GP6: variants seen among roughly 807,000 people sequenced by gnomAD.
GP6 encodes platelet glycoprotein VI.
GP6 carries 45 observed loss-of-function variants against 37.3 expected under a neutral mutation model. The ratio of observed to expected loss-of-function variants is 1.21; its 90% CI spans 0.95 to 1.55. GP6 has a LOEUF of 1.55. GP6 is among the 40% of genes most tolerant of loss of function. The probability of loss-of-function intolerance (pLI) is 0.00; values close to 1 mark genes in which losing one functional copy is unlikely to be tolerated. For synonymous variants in GP6, 340 were observed against 316.4 expected (o/e 1.07, Z -0.79); for missense variants, 813 against 760.2 (o/e 1.07, Z -0.82).
At position 55,027,778 on chromosome 19, in the gene GP6, C is replaced by T. The variant is rs773642386; in HGVS notation, c.410G>A (p.Arg137Gln). The T allele has an allele frequency of 3.7e-6, 6 of 1,613,830 alleles. No homozygotes were observed. The highest frequency in any genetic ancestry group is 1.1e-5 in the South Asian group (1 of 91,082). The change falls in exon 4 of 8, where the codon CGG (arginine) becomes CAG (glutamine). Residue 137 changes from arginine to glutamine, a missense_variant. Arg to Gln is a conservative substitution (Grantham distance 43). Transcript: ENST00000310373. ...CAGAGCAAATTGGTCAAAGCCATAC[C>T]GAGTCTGACACTGTAGGGTTACGTC...
At chr19:55,021,363 CA>C (rs71181728) in intron 5 of GP6, among the ~76,000 whole-genome samples, 72,023 of 141,714 alleles carry the variant, frequency 0.51, 19,495 homozygotes, top group East Asian at 0.74. Context: ...TACTACATCT[CA>C]AAAAAAAAAA....
At chr19:55,015,215 ACCC>A (rs1242731477) in intron 7 of GP6, 50 bp from the exon 8 acceptor site, 1 of 1,548,170 alleles carries the variant, frequency 6.5e-7, no homozygotes, top group African/African-American at 1.4e-5. Context: ...CACCTCCAGG[ACCC>A]CCTCCAAGCC....
At chr19:55,033,105 C>G (rs1232198333) in intron 1 of GP6, among the ~76,000 whole-genome samples, 1 of 87,952 alleles carries the variant, frequency 1.1e-5, no homozygotes, top group Non-Finnish European at 2.4e-5. Context: ...TGGACTCGTT[C>G]GTGTTAGACA....
chr19:55,018,774 T>G, intron 5 of GP6, 63 bp from the exon 6 acceptor site: 1 of 1,077,460 alleles, frequency 9.3e-7, no homozygotes, highest in South Asian at 1.2e-5. Context: ...GATATCTCCA[T>G]TCCCCTTTTG....
At position 55,038,206 on chromosome 19, in the gene GP6, G is replaced by C; in HGVS notation, c.31C>G (p.Leu11Val). Reference sequence around the variant, plus strand: ...AGATCTGACCCTCAGGACTCACCAAGACAGAAGAGGGCGGTCGGGGATGGA... The same window carrying C: ...AGATCTGACCCTCAGGACTCACCAACACAGAAGAGGGCGGTCGGGGATGGA... Residue 11 changes from leucine to valine, a missense_variant, in exon 1 of 8, where the codon CTT (leucine) becomes GTT (valine). Coordinates refer to ENST00000310373, the MANE Select transcript of GP6 (RefSeq NM_001083899.2). 6.3e-7 allele frequency: 1 copy of C among 1,592,256 alleles called. No individual in the cohort carries two copies. The highest frequency in any genetic ancestry group is 8.6e-7 in the Non-Finnish European group (1 of 1,168,052).
intron 1 of GP6, among the ~76,000 whole-genome samples, chr19:55,033,017 C>T (rs371956232): frequency 1.2e-4 from 12 of 102,194 alleles, no homozygotes; most frequent in African/African-American, 1.2e-4. Flanking sequence ...ACGCGGTGGA[C>T]TCGTTCGTGT....
intron 5 of GP6, among the ~76,000 whole-genome samples, chr19:55,020,287 C>T (rs2074031993): frequency 6.6e-6 from 1 of 151,384 alleles, no homozygotes; most frequent in African/African-American, 2.4e-5. Context: ...TAAACGTGTG[C>T]CATGGTGGTT....
chr19:55,034,716 T>TACACACAC (rs796869786), intron 1 of GP6, among the ~76,000 whole-genome samples: 12,374 of 148,068 alleles, frequency 0.084, 536 homozygotes, highest in Non-Finnish European at 0.1. Context: ...CCCTCATTCT[T>TACACACAC]ACACACACAC....
rs948134453 is a variant in GP6, at chr19:55,025,268, G to T, written c.614C>A (p.Thr205Asn). 9.1e-6 allele frequency: 14 copies of T among 1,543,686 alleles called. No homozygotes were observed. Among genetic ancestry groups the T allele is most frequent in the Admixed American group, 3.9e-5 (2 of 50,988 alleles). ...TGGTAACCGGCTGGGGGTCACAGAG[G>T]TTCCTGGGAAATCAGAAAATGAGAT... The change falls in exon 5 of 8, where the codon ACC becomes AAC. Residue 205 changes from threonine to asparagine, a missense_variant. Thr to Asn is a moderately conservative substitution (Grantham distance 65). Transcript: ENST00000310373.
chr19:55,017,561 T>TC (rs1375835128), intron 6 of GP6, among the ~76,000 whole-genome samples: 1 of 151,382 alleles, frequency 6.6e-6, no homozygotes, highest in African/African-American at 2.4e-5. Context: ...GGGTGCAGAG[T>TC]CAGGAGAGGT....
In GP6 at chr19:55,015,002, C is replaced by A; in HGVS notation, c.943G>T (p.Ala315Ser). 1 of 1,500,376 alleles carries A rather than the reference C, an allele frequency of 6.7e-7. No individual in the cohort carries two copies. The allele number at this position is 1,500,376 out of a possible 1,614,324, so 92.9% of individuals were successfully genotyped here. A position where few individuals can be genotyped will look rare whatever the true frequency, so the allele number is the denominator to read the frequency against. Residue 315 changes from alanine to serine, a missense_variant, in exon 8 of 8, where the codon GCC (alanine) becomes TCC (serine). Coordinates refer to ENST00000310373, the MANE Select transcript of GP6 (RefSeq NM_001083899.2). The stretch of plus-strand genomic sequence containing the variant: ...TTGATTTCCGGGTCAGCGGGAGGGG[C>A]GGGAGGGGCGGAAGCGGCCTCTGCA...
chr19:55,028,952 A>G (rs1375896809), intron 3 of GP6, among the ~76,000 whole-genome samples: 1 of 151,810 alleles, frequency 6.6e-6, no homozygotes, highest in East Asian at 1.9e-4. Context: ...GTGAGCTATG[A>G]TCACTGTACA....
At chr19:55,018,919 C>T (rs1314750177) in intron 5 of GP6, 1 of 615,910 alleles carries the variant, frequency 1.6e-6, no homozygotes, top group Admixed American at 2.7e-5. Context: ...AATTGATAGA[C>T]ACTTGGTTTT....
At chr19:55,033,384 TCGTTCGTGTTGTGTTAGACACGGTG>T (rs1213856566) in intron 1 of GP6, among the ~76,000 whole-genome samples, 71 of 101,200 alleles carry the variant, frequency 7.0e-4, no homozygotes, top group Non-Finnish European at 9.8e-4. Context: ...CACGGTGGAC[TCGTTCGTGTTGTGTTAGACACGGTG>T]GGCTCGTTCG....
intron 5 of GP6, among the ~76,000 whole-genome samples, chr19:55,024,873 G>GGTTT (rs1479713717): frequency 1.9e-5 from 2 of 103,958 alleles, no homozygotes; most frequent in African/African-American, 6.0e-5. Flanking sequence ...GGACTCTACA[G>GGTTT]GTTTGTTGGT....
Position 55,033,032 on chromosome 19 carries a change from CACG to C in GP6, c.35-497_35-495del, listed in dbSNP as rs1309575874. On this transcript the variant is annotated intron_variant, in intron 1 of 7. Coordinates refer to ENST00000310373, the MANE Select transcript of GP6 (RefSeq NM_001083899.2). ...ACGCGGTGGACTCGTTCGTGTTAGA[CACG>C]GTGGACTCGTTCGTGTTGTGTTAGA... is the stretch of plus-strand genomic sequence containing the variant. Among the ~76,000 whole-genome samples, 115 of 65,998 alleles carry C rather than the reference CACG, an allele frequency of 1.7e-3. 3 individuals are homozygous for C. Among genetic ancestry groups the C allele is most frequent in the East Asian group, 2.5e-3 (3 of 1,224 alleles). 43.3% of individuals were successfully genotyped at this position (65,998 alleles called of 152,430 possible). A position where few individuals can be genotyped will look rare whatever the true frequency, so the allele number is the denominator to read the frequency against.
chr19:55,014,872 C>G lies in GP6; in HGVS notation c.1073G>C (p.Gly358Ala). ...CACACGCCAGTCTTTGAGTCGCCTCCCATGCCATGATCCCTCCCTTGGATA... is the reference window on the plus strand; with the variant it reads ...CACACGCCAGTCTTTGAGTCGCCTCGCATGCCATGATCCCTCCCTTGGATA... Residue 358 changes from glycine (G) to alanine (A), a missense_variant, in exon 8 of 8, where the codon GGG becomes GCG. Transcript: ENST00000310373. 6.2e-7 allele frequency: 1 copy of G among 1,614,010 alleles called. No individual in the cohort carries two copies. Among genetic ancestry groups the G allele is most frequent in the East Asian group, 2.2e-5 (1 of 44,886 alleles).
intron 5 of GP6, among the ~76,000 whole-genome samples, chr19:55,020,215 T>G (rs2074028643): frequency 6.6e-6 from 1 of 152,032 alleles, no homozygotes; most frequent in Non-Finnish European, 1.5e-5. Flanking sequence ...CTTTTTTTTT[T>G]TTTTCAATTA....
chr19:55,025,713 A>C (rs2886415), intron 4 of GP6, among the ~76,000 whole-genome samples: 113,397 of 150,452 alleles, frequency 0.75, 43,608 homozygotes, highest in Middle Eastern at 0.85. Flanking sequence ...CTGAAAAAAA[A>C]AGGCTTAGCC....
Sources: allele counts gnomAD v4.1 joint callset (sites outside exome capture counted in the v4.1 genomes callset), GRCh38; gene constraint gnomAD v4.1.1; transcripts MANE v1.5; gene names NCBI Gene and HGNC (gene_info 2026-07-23, HGNC 2026-07-21).